The following LRRC4C variants were observed in gnomAD, a reference collection of about 807,000 sequenced individuals.
LRRC4C encodes leucine-rich repeat-containing protein 4C.
LRRC4C carries 5 observed loss-of-function variants against 33.6 expected under a neutral mutation model. That is an observed-to-expected ratio of 0.15 (90% confidence interval 0.08 to 0.31). The LOEUF is 0.31. Ranked by LOEUF, LRRC4C falls within the 10% of genes least tolerant of loss-of-function variation. The pLI is 1.00. For synonymous variants in LRRC4C, 329 were observed against 302.0 expected (o/e 1.09, Z -0.93); for missense variants, 560 against 796.7 (o/e 0.70, Z 3.58).
At chr11:40,991,251 T>C (rs973334938) in intron 1 of LRRC4C, among the ~76,000 whole-genome samples, 8 of 145,090 alleles carry the variant, frequency 5.5e-5, no homozygotes, top group African/African-American at 1.5e-4. Context: ...ACAGCATTAA[T>C]AAATGTGATT....
At chr11:41,404,564 C>A (rs7109826) in intron 1 of LRRC4C, among the ~76,000 whole-genome samples, 13,392 of 93,950 alleles carry the variant, frequency 0.14, 699 homozygotes, top group South Asian at 0.2. Context: ...ACACACACAC[C>A]CCCCGAGGTT....
chr11:40,921,986 A>T (rs1162533905), intron 2 of LRRC4C, among the ~76,000 whole-genome samples: 1 of 152,212 alleles, frequency 6.6e-6, no homozygotes, highest in Admixed American at 6.5e-5. Context: ...CCTTCTAAGG[A>T]CAAATGGCAG....
chr11:40,286,080 G>A (rs1003060082), intron 4 of LRRC4C, among the ~76,000 whole-genome samples: 1 of 152,112 alleles, frequency 6.6e-6, no homozygotes, highest in African/African-American at 2.4e-5. Context: ...CTCCTTTTTG[G>A]TAGAGGAGAT....
At chr11:40,258,442 T>C (rs552847303) in intron 4 of LRRC4C, among the ~76,000 whole-genome samples, 4 of 152,302 alleles carry the variant, frequency 2.6e-5, no homozygotes, top group South Asian at 4.1e-4. Context: ...CTAACATATA[T>C]AATTTATTTC....
At chr11:41,097,792 G>A (rs1201546438) in intron 1 of LRRC4C, among the ~76,000 whole-genome samples, 1 of 151,970 alleles carries the variant, frequency 6.6e-6, no homozygotes, top group African/African-American at 2.4e-5. Flanking sequence ...CTTGAACAAA[G>A]GACTTATTTC....
intron 1 of LRRC4C, among the ~76,000 whole-genome samples, chr11:41,045,800 C>T (rs906287717): frequency 1.3e-5 from 2 of 151,978 alleles, no homozygotes; most frequent in African/African-American, 4.8e-5. Flanking sequence ...AAGGGTGAGT[C>T]CAAAAGCACC....
intron 3 of LRRC4C, among the ~76,000 whole-genome samples, chr11:40,406,976 G>C (rs1401340033): frequency 6.6e-6 from 1 of 152,076 alleles, no homozygotes; most frequent in Non-Finnish European, 1.5e-5. Flanking sequence ...TGTGGATGAT[G>C]GATGTGGGCT....
intron 2 of LRRC4C, among the ~76,000 whole-genome samples, chr11:40,661,284 C>G (rs530160199): frequency 1.3e-4 from 20 of 151,876 alleles, no homozygotes; most frequent in African/African-American, 4.8e-4. Context: ...TGATTTGAAA[C>G]AAAATTTGAG....
chr11:41,244,554 GA>G (rs1948378711), intron 1 of LRRC4C, among the ~76,000 whole-genome samples: 1 of 152,202 alleles, frequency 6.6e-6, no homozygotes, highest in Non-Finnish European at 1.5e-5. Context: ...CAGAGATAAA[GA>G]ATGAAGGTGG....
intron 1 of LRRC4C, among the ~76,000 whole-genome samples, chr11:41,223,315 T>C (rs1947388794): frequency 3.3e-5 from 5 of 152,162 alleles, no homozygotes; most frequent in Non-Finnish European, 1.5e-5. Context: ...AAAAGGAACT[T>C]AGACTTTTAC....
intron 1 of LRRC4C, among the ~76,000 whole-genome samples, chr11:40,959,451 C>A (rs1038289131): frequency 5.3e-5 from 8 of 151,448 alleles, no homozygotes; most frequent in Admixed American, 1.3e-4. Context: ...TTATAATATG[C>A]AGCATAAAAA....
chr11:40,597,761 C>T (rs1364065015), intron 3 of LRRC4C, among the ~76,000 whole-genome samples: 1 of 152,136 alleles, frequency 6.6e-6, no homozygotes, highest in Non-Finnish European at 1.5e-5. Context: ...GTGCCTTTTC[C>T]TCTTGCTGAC....
At chr11:40,545,841 G>A (rs7117760) in intron 3 of LRRC4C, among the ~76,000 whole-genome samples, 51,693 of 151,666 alleles carry the variant, frequency 0.34, 10,587 homozygotes, top group East Asian at 0.65. Flanking sequence ...TCTGGCTGAA[G>A]CTTTGCACTG....
chr11:41,062,707 T>C (rs545012827), intron 1 of LRRC4C, among the ~76,000 whole-genome samples: 1 of 152,168 alleles, frequency 6.6e-6, no homozygotes, highest in African/African-American at 2.4e-5. Context: ...AATGTGACAT[T>C]GTTTGAAAAT....
At chr11:40,820,390 A>G (rs950048078) in intron 2 of LRRC4C, among the ~76,000 whole-genome samples, 1 of 152,028 alleles carries the variant, frequency 6.6e-6, no homozygotes, top group African/African-American at 2.4e-5. Context: ...AAAATGTAGT[A>G]GAGATGTTTC....
intron 2 of LRRC4C, among the ~76,000 whole-genome samples, chr11:40,869,726 G>C (rs1954540628): frequency 1.3e-5 from 2 of 152,120 alleles, no homozygotes; most frequent in African/African-American, 2.4e-5. Flanking sequence ...AGAATCAGGG[G>C]AGAAGGGACG....
At chr11:40,156,041 T>C (rs1445713658) in intron 5 of LRRC4C, among the ~76,000 whole-genome samples, 2 of 152,016 alleles carry the variant, frequency 1.3e-5, no homozygotes, top group Non-Finnish European at 1.5e-5. Context: ...GCAGGGATGG[T>C]TTAACATACG....
intron 3 of LRRC4C, among the ~76,000 whole-genome samples, chr11:40,496,019 G>A (rs1293011450): frequency 6.6e-6 from 1 of 151,540 alleles, no homozygotes; most frequent in Admixed American, 6.6e-5. Context: ...CAGTAGAGAC[G>A]TGGTTTCACC....
At chr11:40,329,097 G>A (rs1300967372) in intron 3 of LRRC4C, among the ~76,000 whole-genome samples, 1 of 152,184 alleles carries the variant, frequency 6.6e-6, no homozygotes, top group African/African-American at 2.4e-5. Context: ...GTGAGTGAGT[G>A]ACAAAATGCT....
Sources: allele counts gnomAD v4.1 joint callset (sites outside exome capture counted in the v4.1 genomes callset), GRCh38; gene constraint gnomAD v4.1.1; transcripts MANE v1.5; gene names NCBI Gene and HGNC (gene_info 2026-07-23, HGNC 2026-07-21).